The following CUX1 variants were observed in gnomAD, a reference collection of about 807,000 sequenced individuals.
CUX1 encodes cut like homeobox 1, also known as protein CASP.
CUX1 carries 31 observed loss-of-function variants against 158.8 expected under a neutral mutation model. That is an observed-to-expected ratio of 0.20 (90% confidence interval 0.15 to 0.26). CUX1 has a LOEUF of 0.26. Among genes scored for constraint, CUX1 ranks in the 10% least tolerant of loss-of-function variants. The pLI is 1.00. For missense variants in CUX1, 1,589 were observed against 2,014.6 expected, an observed-to-expected ratio of 0.79 and a Z score of 4.04; for synonymous variants, 879 against 862.1, an observed-to-expected ratio of 1.02 and a Z score of -0.34.
intron 11 of CUX1, among the ~76,000 whole-genome samples, chr7:102,179,459 G>T (rs1792786262): frequency 6.6e-6 from 1 of 152,122 alleles, no homozygotes; most frequent in South Asian, 2.1e-4. Context: ...AAACCCCAGA[G>T]GTCCATGGAA....
At chr7:102,097,756 T>G (rs1829352234) in intron 5 of CUX1, among the ~76,000 whole-genome samples, 2 of 152,240 alleles carry the variant, frequency 1.3e-5, no homozygotes, top group African/African-American at 2.4e-5. Context: ...CAGGATTCTT[T>G]GAAAATTCTT....
chr7:102,200,119 C>T lies in CUX1; in HGVS notation c.2009C>T (p.Ala670Val). 6.2e-7 allele frequency: 1 copy of T among 1,613,596 alleles called. No homozygotes were observed. The highest frequency in any genetic ancestry group is 8.5e-7 in the Non-Finnish European group (1 of 1,179,762). ...GCCTCGGAGACTGGCTCTGATGAAG[C>T]CATCAAGTCCATCCTAGAGCAAGCC... ...IRASETGSDE[A>V]IKSILEQAKR... The change falls in exon 17 of 24, where the codon GCC (alanine) becomes GTC (valine). Residue 670 changes from alanine to valine, a missense_variant. Physicochemically the swap from Ala to Val is moderately conservative, Grantham distance 64. This residue lies in a region of CUX1 where 337 missense variants were observed against 409.3 expected (regional missense o/e 0.82). Coordinates refer to ENST00000292535, the MANE Select transcript of CUX1 (RefSeq NM_181552.4).
chr7:101,852,307 C>G (rs1170180045), intron 1 of CUX1, among the ~76,000 whole-genome samples: 2 of 152,032 alleles, frequency 1.3e-5, no homozygotes, highest in Non-Finnish European at 2.9e-5. Flanking sequence ...TTCCTGGCTA[C>G]ATTCATCACA....
At chr7:102,280,021 C>T (rs781877422) in intron 18 of CUX1, 2 of 1,569,560 alleles carry the variant, frequency 1.3e-6, no homozygotes, top group African/African-American at 1.3e-5. Flanking sequence ...TTCTCTTCCC[C>T]TCCCTGTCTG....
At chr7:101,823,210 A>C (rs1390682387) in intron 1 of CUX1, among the ~76,000 whole-genome samples, 1 of 152,130 alleles carries the variant, frequency 6.6e-6, no homozygotes, top group East Asian at 1.9e-4. Flanking sequence ...CCCCACAAGC[A>C]GGACTGGTAC....
intron 1 of CUX1, among the ~76,000 whole-genome samples, chr7:101,910,237 C>T (rs573296119): frequency 9.0e-4 from 137 of 152,260 alleles, no homozygotes; most frequent in African/African-American, 3.3e-3. Flanking sequence ...GCCTTGACCT[C>T]CTGGGCTCAA....
At chr7:101,948,434 G>A (rs1301764814) in intron 2 of CUX1, among the ~76,000 whole-genome samples, 3 of 152,154 alleles carry the variant, frequency 2.0e-5, no homozygotes, top group Non-Finnish European at 2.9e-5. Context: ...GGAACGTGGT[G>A]CCTCGGGATT....
downstream of CUX1, among the ~76,000 whole-genome samples, chr7:102,261,442 C>T (rs1294049997): frequency 6.6e-6 from 1 of 151,912 alleles, no homozygotes; most frequent in Non-Finnish European, 1.5e-5. Flanking sequence ...TGCAGTGAGC[C>T]AAGATTGCGC....
In CUX1 at chr7:102,250,229, C is replaced by T. The variant is rs782341671; in HGVS notation, c.*1187C>T. The T allele has an allele frequency of 7.1e-6, 7 of 985,446 alleles. No individual in the cohort carries two copies. Among genetic ancestry groups the T allele is most frequent in the Non-Finnish European group, 8.4e-6 (7 of 829,952 alleles). The allele number at this position is 985,446 out of a possible 1,614,324, so 61.0% of individuals were successfully genotyped here. On this transcript the variant is annotated 3_prime_UTR_variant, in exon 24 of 24. Coordinates refer to ENST00000292535, the MANE Select transcript of CUX1 (RefSeq NM_181552.4). ...TTTAATTTATGGTGTCTCAATCTGT[C>T]TGTGCGTCTGCACGTGTGCAAGCAT...
At chr7:102,137,983 G>A (rs1554499174) in intron 8 of CUX1, among the ~76,000 whole-genome samples, 1 of 152,100 alleles carries the variant, frequency 6.6e-6, no homozygotes, top group Non-Finnish European at 1.5e-5. Flanking sequence ...CCCAGGAACT[G>A]GAGACCAGCC....
chr7:102,187,246 G>A (rs1389872933), intron 11 of CUX1, among the ~76,000 whole-genome samples: 1 of 151,418 alleles, frequency 6.6e-6, no homozygotes, highest in Non-Finnish European at 1.5e-5. Flanking sequence ...TGGAATCTCG[G>A]CACTTTGAGA....
At chr7:102,222,715 T>C (rs1797926435) in intron 20 of CUX1, among the ~76,000 whole-genome samples, 1 of 151,454 alleles carries the variant, frequency 6.6e-6, no homozygotes, top group Non-Finnish European at 1.5e-5. Context: ...TAACGCACAC[T>C]TGGGCGCAGG....
intron 3 of CUX1, among the ~76,000 whole-genome samples, chr7:102,034,751 C>CAGA: frequency 8.5e-6 from 1 of 117,914 alleles, no homozygotes; most frequent in East Asian, 2.4e-4. Flanking sequence ...GACTCCGTCT[C>CAGA]AAAAAAAAAA....
chr7:101,909,512 A>G (rs1803173915), intron 1 of CUX1, among the ~76,000 whole-genome samples: 1 of 152,258 alleles, frequency 6.6e-6, no homozygotes, highest in Admixed American at 6.5e-5. Flanking sequence ...GAAACAAAAA[A>G]TAAAATGGTC....
chr7:102,204,025 C>T (rs1369462724), intron 18 of CUX1, among the ~76,000 whole-genome samples: 1 of 152,312 alleles, frequency 6.6e-6, no homozygotes, highest in South Asian at 2.1e-4. Context: ...TAGCCTTTCC[C>T]GGTGCCACCA....
At chr7:101,867,316 C>CGGACACACTCAAGGGTTT (rs1330387221) in intron 1 of CUX1, among the ~76,000 whole-genome samples, 4 of 152,158 alleles carry the variant, frequency 2.6e-5, no homozygotes, top group African/African-American at 9.7e-5. Flanking sequence ...TGTTGATCAG[C>CGGACACACTCAAGGGTTT]GGACACACTC....
intron 20 of CUX1, among the ~76,000 whole-genome samples, chr7:102,217,476 G>A (rs1554525281): frequency 6.6e-6 from 1 of 152,252 alleles, no homozygotes; most frequent in African/African-American, 2.4e-5. Context: ...GGCCAACACA[G>A]AATTTCTAAG....
chr7:102,019,440 G>C (rs1253032160), intron 2 of CUX1, among the ~76,000 whole-genome samples: 1 of 152,120 alleles, frequency 6.6e-6, no homozygotes, highest in Non-Finnish European at 1.5e-5. Flanking sequence ...GGCGAGGCTG[G>C]TCTTGAACTC....
At chr7:101,904,925 A>G (rs1802589300) in intron 1 of CUX1, among the ~76,000 whole-genome samples, 1 of 152,200 alleles carries the variant, frequency 6.6e-6, no homozygotes, top group Admixed American at 6.5e-5. Flanking sequence ...GTGGAGTCAG[A>G]TTGAATAGCA....
Sources: gnomAD v4.1 joint callset for allele counts (sites outside exome capture counted in the v4.1 genomes callset) on GRCh38, gnomAD v4.1.1 for gene constraint, gnomAD v4.1.1 regional missense constraint, MANE v1.5 for transcripts, NCBI Gene and HGNC (gene_info 2026-07-23, HGNC 2026-07-21) for gene names.